The following CAMKMT variants were observed in gnomAD, a reference collection of about 807,000 sequenced individuals.
CAMKMT encodes the protein CaM KMT.
Under a neutral mutation model 48.0 loss-of-function variants are expected in CAMKMT, and 53 were observed. That is an observed-to-expected ratio of 1.10 (90% confidence interval 0.89 to 1.39). The LOEUF is 1.39. Ranked by LOEUF, CAMKMT falls within the 40% of genes most tolerant of loss-of-function variation. The pLI is 0.00. For synonymous variants in CAMKMT, 165 were observed against 152.3 expected, an observed-to-expected ratio of 1.08 and a Z score of -0.61; for missense variants, 428 against 402.7, an observed-to-expected ratio of 1.06 and a Z score of -0.54.
intron 3 of CAMKMT, chr2:44,549,716 G>A: frequency 1.9e-6 from 1 of 519,992 alleles, no homozygotes; most frequent in Non-Finnish European, 3.4e-6. Flanking sequence ...GATCCCCAAA[G>A]TCTCAGACTT....
intron 3 of CAMKMT, among the ~76,000 whole-genome samples, chr2:44,699,162 C>G (rs969620586): frequency 6.6e-6 from 1 of 152,246 alleles, no homozygotes; most frequent in African/African-American, 2.4e-5. Context: ...CCTCCCATGA[C>G]TCACAAATGT....
intron 3 of CAMKMT, among the ~76,000 whole-genome samples, chr2:44,500,308 C>T (rs1465178016): frequency 6.6e-6 from 1 of 152,088 alleles, no homozygotes; most frequent in Non-Finnish European, 1.5e-5. Flanking sequence ...GAATTAGCCT[C>T]CCTTTTTAGG....
chr2:44,471,969 C>T (rs1668442956), intron 3 of CAMKMT, among the ~76,000 whole-genome samples: 1 of 152,268 alleles, frequency 6.6e-6, no homozygotes, highest in South Asian at 2.1e-4. Flanking sequence ...GCGTGAGCCA[C>T]CATGCCTGGC....
intron 7 of CAMKMT, among the ~76,000 whole-genome samples, chr2:44,723,537 G>A (rs920081076): frequency 6.6e-6 from 1 of 151,676 alleles, no homozygotes; most frequent in Non-Finnish European, 1.5e-5. Context: ...GTTGCAGTGA[G>A]CGGAGATCAC....
chr2:44,645,272 A>G (rs1673670187), intron 3 of CAMKMT, among the ~76,000 whole-genome samples: 1 of 152,236 alleles, frequency 6.6e-6, no homozygotes, highest in South Asian at 2.1e-4. Flanking sequence ...GGCATCACAT[A>G]ACATGGAGAG....
chr2:44,436,649 C>G (rs1666277782), intron 3 of CAMKMT, among the ~76,000 whole-genome samples: 1 of 151,792 alleles, frequency 6.6e-6, no homozygotes, highest in Admixed American at 6.6e-5. Context: ...TTCTGAGGGC[C>G]AGATTTGACC....
chr2:44,371,372 G>A (rs945425216), intron 1 of CAMKMT, among the ~76,000 whole-genome samples: 1 of 152,184 alleles, frequency 6.6e-6, no homozygotes, highest in Non-Finnish European at 1.5e-5. Flanking sequence ...TCCTGCCTCA[G>A]CCTTCCAAAG....
At chr2:44,503,856 G>A (rs1456018472) in intron 3 of CAMKMT, among the ~76,000 whole-genome samples, 1 of 152,098 alleles carries the variant, frequency 6.6e-6, no homozygotes, top group Non-Finnish European at 1.5e-5. Context: ...TGTTCTTGCT[G>A]AGTTCGTCTC....
intron 3 of CAMKMT, among the ~76,000 whole-genome samples, chr2:44,416,822 G>T (rs1035510841): frequency 6.6e-6 from 1 of 151,814 alleles, no homozygotes; most frequent in African/African-American, 2.4e-5. Flanking sequence ...TGATCCACCC[G>T]CCTCAGCCTC....
chr2:44,392,535 G>C (rs1170783453), intron 3 of CAMKMT, among the ~76,000 whole-genome samples: 1 of 151,934 alleles, frequency 6.6e-6, no homozygotes, highest in Non-Finnish European at 1.5e-5. Flanking sequence ...TTTGTGACTA[G>C]AAAACCCAGC....
At chr2:44,576,506 G>A (rs917397554) in intron 3 of CAMKMT, among the ~76,000 whole-genome samples, 1 of 152,070 alleles carries the variant, frequency 6.6e-6, no homozygotes, top group African/African-American at 2.4e-5. Flanking sequence ...AAAATGAGAG[G>A]GCAGGGACAA....
intron 3 of CAMKMT, among the ~76,000 whole-genome samples, chr2:44,464,777 A>C (rs1668025764): frequency 6.6e-6 from 1 of 152,228 alleles, no homozygotes; most frequent in Non-Finnish European, 1.5e-5. Context: ...GATAAACAAA[A>C]GCTGAGGGAA....
chr2:44,659,449 G>A (rs1190306265), intron 3 of CAMKMT, among the ~76,000 whole-genome samples: 1 of 151,524 alleles, frequency 6.6e-6, no homozygotes, highest in East Asian at 1.9e-4. Flanking sequence ...GTGGCGGAGG[G>A]CGGAGTTCAG....
At chr2:44,739,895 G>A (rs1679577166) in intron 7 of CAMKMT, among the ~76,000 whole-genome samples, 1 of 152,138 alleles carries the variant, frequency 6.6e-6, no homozygotes, top group South Asian at 2.1e-4. Flanking sequence ...GTAATCCAGA[G>A]AGAGAAAAGA....
At chr2:44,591,777 G>A (rs1178914641) in intron 3 of CAMKMT, among the ~76,000 whole-genome samples, 4 of 151,724 alleles carry the variant, frequency 2.6e-5, no homozygotes, top group Non-Finnish European at 5.9e-5. Context: ...TGTTTATTGC[G>A]GCACTATTCA....
chr2:44,388,557 AT>A (rs766819066), intron 2 of CAMKMT, among the ~76,000 whole-genome samples: 2 of 151,902 alleles, frequency 1.3e-5, no homozygotes, highest in African/African-American at 4.8e-5. Context: ...AACTAGTGTG[AT>A]TTTTTTGGGG....
chr2:44,417,474 G>C (rs1021270906), intron 3 of CAMKMT, among the ~76,000 whole-genome samples: 17 of 152,154 alleles, frequency 1.1e-4, no homozygotes, highest in Middle Eastern at 3.2e-3. Flanking sequence ...CATTCAGGTT[G>C]TTTCCGGTTT....
intron 6 of CAMKMT, among the ~76,000 whole-genome samples, chr2:44,710,972 A>G (rs540486866): frequency 2.6e-4 from 39 of 152,248 alleles, no homozygotes; most frequent in African/African-American, 9.4e-4. Flanking sequence ...ATGATCTTGA[A>G]CTTAGGATTC....
chr2:44,645,957 T>C (rs1218607694), intron 3 of CAMKMT, among the ~76,000 whole-genome samples: 1 of 152,236 alleles, frequency 6.6e-6, no homozygotes, highest in East Asian at 1.9e-4. Context: ...TGTTGAACTA[T>C]TCTGTTATAA....
Sources: gnomAD v4.1 joint callset for allele counts (sites outside exome capture counted in the v4.1 genomes callset) on GRCh38, gnomAD v4.1.1 for gene constraint, MANE v1.5 for transcripts, NCBI Gene and HGNC (gene_info 2026-07-23, HGNC 2026-07-21) for gene names.